Variants in GAS2 observed in about 807,000 individuals in gnomAD.
The protein encoded by GAS2 is growth arrest specific 2.
GAS2 carries 20 observed loss-of-function variants against 37.5 expected under a neutral mutation model. That is an observed-to-expected ratio of 0.53 (90% CI 0.37 to 0.77). GAS2 has a LOEUF of 0.77. Ranked by LOEUF, GAS2 falls within the 30% of genes least tolerant of loss-of-function variation. The pLI, the probability that GAS2 is intolerant of heterozygous loss-of-function variation, is 0.00. For synonymous variants in GAS2, 144 were observed against 132.2 expected (o/e 1.09, Z -0.61); for missense variants, 336 against 373.4 (o/e 0.90, Z 0.82).
At position 22,720,644 on chromosome 11, in the gene GAS2, G is replaced by A. The variant is rs1303732601; in HGVS notation, c.268-5648G>A. ...AGTTTATTGCCTGCCTATTTGAACC[G>A]TACACTCTATATACCCTTTGGAAAA... On this transcript the variant is annotated intron_variant, in intron 3 of 7. Transcript: ENST00000454584. Among the ~76,000 whole-genome samples the A allele has an allele frequency of 4.6e-5, 7 of 151,802 alleles. No individual in the cohort carries two copies. In the East Asian group the frequency reaches 7.8e-4, roughly 17 times the overall value.
At chr11:22,636,837 C>T (rs1858828537) in intron 1 of GAS2, among the ~76,000 whole-genome samples, 1 of 146,200 alleles carries the variant, frequency 6.8e-6, no homozygotes, top group Non-Finnish European at 1.5e-5. Flanking sequence ...ATATATATGT[C>T]TAGTAAGTAT....
At chr11:22,788,337 G>A (rs1182227590) in intron 7 of GAS2, among the ~76,000 whole-genome samples, 1 of 152,178 alleles carries the variant, frequency 6.6e-6, no homozygotes, top group Non-Finnish European at 1.5e-5. Context: ...ACAATCATAT[G>A]ATATAGAATA....
intron 3 of GAS2, among the ~76,000 whole-genome samples, chr11:22,713,651 CA>C (rs1851520658): frequency 6.6e-6 from 1 of 152,154 alleles, no homozygotes; most frequent in African/African-American, 2.4e-5. Context: ...ATCAGATTAA[CA>C]GGAGATTTCT....
intron 3 of GAS2, among the ~76,000 whole-genome samples, chr11:22,690,454 A>G (rs914560626): frequency 3.9e-5 from 6 of 152,052 alleles, no homozygotes; most frequent in Non-Finnish European, 8.8e-5. Context: ...GTAGTGGGCC[A>G]TTTTCTAACT....
Position 22,767,410 on chromosome 11 carries a change from G to A in GAS2, c.723+11457G>A, listed in dbSNP as rs1479729630. Among the ~76,000 whole-genome samples, 11 of 151,544 alleles carry A rather than the reference G, an allele frequency of 7.3e-5. No individual in the cohort carries two copies. In the East Asian group the frequency reaches 2.1e-3, roughly 29 times the overall value. ...GTTCTTCACTGTGTTTTTGATTTTG[G>A]CATTGTTTTCCTTAAATTACAAAGC... is the stretch of plus-strand genomic sequence containing the variant. On this transcript the variant is annotated intron_variant, in intron 7 of 7. Transcript: ENST00000454584.
intron 4 of GAS2, among the ~76,000 whole-genome samples, chr11:22,736,998 T>C (rs1213153678): frequency 3.3e-5 from 5 of 152,208 alleles, no homozygotes; most frequent in Non-Finnish European, 7.3e-5. Flanking sequence ...AATGCACTAA[T>C]TAATCACATT....
chr11:22,761,559 T>C (rs1434878747), intron 7 of GAS2, among the ~76,000 whole-genome samples: 1 of 152,194 alleles, frequency 6.6e-6, no homozygotes, highest in African/African-American at 2.4e-5. Flanking sequence ...TTGTTCAAAG[T>C]GTGTTCCCAA....
rs58284244 is a variant in GAS2 at position 22,790,590 on chromosome 11, A to ATTTTT, written c.724-21193_724-21189dup. 4.1e-3 allele frequency among the ~76,000 whole-genome samples: 461 copies of ATTTTT among 111,766 alleles called. 10 individuals carry two copies. The East Asian group carries it at 0.096, about 23-fold the overall frequency. The allele number at this position is 111,766 out of a possible 152,430, so 73.3% of individuals were successfully genotyped here. Reference sequence around the variant, plus strand: ...TATCCTCAATGTTTTCTTCTTCTCTATTTTTTTTTTTTTTTTTTTGACAGA... The same window carrying ATTTTT: ...TATCCTCAATGTTTTCTTCTTCTCTATTTTTTTTTTTTTTTTTTTTTTTTGACAGA... On this transcript the variant is annotated intron_variant, in intron 7 of 7. Coordinates refer to ENST00000454584, the MANE Select transcript of GAS2 (RefSeq NM_001143830.3).
At chr11:22,735,224 C>CTTTTTTTTTT (rs397750049) in intron 4 of GAS2, among the ~76,000 whole-genome samples, 13 of 109,152 alleles carry the variant, frequency 1.2e-4, no homozygotes, top group Admixed American at 3.0e-4. Context: ...ACCAATCATT[C>CTTTTTTTTTT]TTTTTTTTTT....
intron 1 of GAS2, among the ~76,000 whole-genome samples, chr11:22,647,631 G>A (rs1368215980): frequency 2.3e-4 from 35 of 152,146 alleles, no homozygotes; most frequent in Non-Finnish European, 2.2e-4. Flanking sequence ...GGTGTGAGAC[G>A]GTATCTCATT....
At chr11:22,667,111 C>A (rs1445519458) in intron 1 of GAS2, 1 of 152,270 alleles carries the variant, frequency 6.6e-6, no homozygotes, top group African/African-American at 2.4e-5. Context: ...TGGGTATTCA[C>A]TGCAGGGGGT....
intron 3 of GAS2, among the ~76,000 whole-genome samples, chr11:22,701,810 T>C (rs1850858199): frequency 6.6e-6 from 1 of 152,034 alleles, no homozygotes; most frequent in African/African-American, 2.4e-5. Flanking sequence ...GCCTGGACAA[T>C]GGAGTGAGAC....
rs35549681 is a variant in GAS2, at chr11:22,812,428, C to CT, written c.*430dup. 0.37 allele frequency: 51,027 copies of CT among 136,688 alleles called. 10,249 individuals are homozygous for CT. Among genetic ancestry groups the CT allele is most frequent in the East Asian group, 0.69 (3,250 of 4,716 alleles). The allele number at this position is 136,688 out of a possible 1,614,324, so 8.5% of individuals were successfully genotyped here. A position where few individuals can be genotyped will look rare whatever the true frequency, so the allele number is the denominator to read the frequency against. ...TTTTTATAATTGCAAGATTTTTATG[C>CT]TTTTTTTTTTTTTTTTTTACAAAAT... On this transcript the variant is annotated 3_prime_UTR_variant, in exon 8 of 8. Coordinates refer to ENST00000454584, the MANE Select transcript of GAS2 (RefSeq NM_001143830.3).
chr11:22,784,621 A>G (rs888353772), intron 7 of GAS2, among the ~76,000 whole-genome samples: 5 of 152,130 alleles, frequency 3.3e-5, no homozygotes, highest in Admixed American at 6.6e-5. Flanking sequence ...CTTTCCCCAC[A>G]AGCAAGGTTT....
chr11:22,636,846 A>G (rs1485508721), intron 1 of GAS2, among the ~76,000 whole-genome samples: 1 of 148,014 alleles, frequency 6.8e-6, no homozygotes, highest in Non-Finnish European at 1.5e-5. Context: ...TCTAGTAAGT[A>G]TATACAAATA....
chr11:22,668,174 G>A (rs952337111), intron 1 of GAS2: 7 of 152,196 alleles, frequency 4.6e-5, no homozygotes, highest in Middle Eastern at 3.2e-3. Context: ...TAGCAGTGTG[G>A]ACACTGATTA....
At chr11:22,649,730 G>A (rs1222422158) in intron 1 of GAS2, among the ~76,000 whole-genome samples, 5 of 151,976 alleles carry the variant, frequency 3.3e-5, no homozygotes, top group South Asian at 2.1e-4. Context: ...ATTCTCTGAC[G>A]GTAGTTTGTA....
At chr11:22,706,227 G>C (rs1388920189) in intron 3 of GAS2, among the ~76,000 whole-genome samples, 1 of 152,100 alleles carries the variant, frequency 6.6e-6, no homozygotes, top group Non-Finnish European at 1.5e-5. Flanking sequence ...AGTGAAGGTG[G>C]AAATAACCAC....
chr11:22,774,772 A>G (rs79367882), intron 7 of GAS2, among the ~76,000 whole-genome samples: 1 of 146,736 alleles, frequency 6.8e-6, no homozygotes, highest in African/African-American at 2.5e-5. Flanking sequence ...ACCTATCGTG[A>G]TTTTTTTTTT....
Sources: allele counts gnomAD v4.1 joint callset (sites outside exome capture counted in the v4.1 genomes callset), GRCh38; gene constraint gnomAD v4.1.1; transcripts MANE v1.5; gene names NCBI Gene and HGNC (gene_info 2026-07-23, HGNC 2026-07-21).